Variants in PTGER3 observed in about 807,000 individuals in gnomAD.
The protein encoded by PTGER3 is prostaglandin E2 receptor EP3 subtype.
A neutral mutation model predicts 34.7 loss-of-function variants in PTGER3; 22 were observed. The observed-to-expected ratio is 0.63, with a 90% CI of 0.45 to 0.91. The LOEUF (loss-of-function observed/expected upper bound fraction) is 0.91. Ranked by LOEUF, PTGER3 falls within the 40% of genes least tolerant of loss-of-function variation. The probability of loss-of-function intolerance (pLI) is 0.00; values close to 1 mark genes in which losing one functional copy is unlikely to be tolerated. For missense variants in PTGER3, 468 were observed against 519.4 expected (o/e 0.90, Z 0.96); for synonymous variants, 241 against 230.1 (o/e 1.05, Z -0.43).
chr1:70,914,464 C>T (rs1379251450), intron 4 of PTGER3, among the ~76,000 whole-genome samples: 3 of 151,764 alleles, frequency 2.0e-5, no homozygotes, highest in Non-Finnish European at 4.4e-5. Flanking sequence ...TAATTTCAAC[C>T]ATTTAATAAT....
intron 2 of PTGER3, among the ~76,000 whole-genome samples, chr1:71,004,954 C>G (rs565695488): frequency 6.6e-6 from 1 of 152,358 alleles, no homozygotes; most frequent in South Asian, 2.1e-4. Flanking sequence ...GGCCTCACCC[C>G]TCAAACCCTT....
intron 2 of PTGER3, among the ~76,000 whole-genome samples, chr1:70,985,077 C>G (rs376229420): frequency 6.6e-6 from 1 of 151,970 alleles, no homozygotes; most frequent in African/African-American, 2.4e-5. Context: ...GGGCCTTTGC[C>G]GACAAAATCC....
At chr1:70,952,367 T>G (rs1650845872), downstream of PTGER3, 6 of 954,670 alleles carry the variant, frequency 6.3e-6, no homozygotes, top group Non-Finnish European at 7.5e-6. Context: ...CTTCCTAGTT[T>G]TGTTAATTCA....
intron 2 of PTGER3, among the ~76,000 whole-genome samples, chr1:70,964,296 G>A (rs1235176735): frequency 1.3e-5 from 2 of 152,128 alleles, no homozygotes. Context: ...TTCCAAACTT[G>A]TTTCCACATT....
At chr1:70,935,032 G>A (rs1407116472) in intron 4 of PTGER3, among the ~76,000 whole-genome samples, 1 of 152,046 alleles carries the variant, frequency 6.6e-6, no homozygotes, top group African/African-American at 2.4e-5. Flanking sequence ...AGTTACATGT[G>A]GTTTATATTC....
intron 2 of PTGER3, chr1:71,008,878 T>C (rs1329913496): frequency 1.0e-6 from 1 of 964,718 alleles, no homozygotes; most frequent in Non-Finnish European, 1.2e-6. Context: ...ATAAATACTC[T>C]GTAGTCTCCC....
chr1:71,026,161 A>G (rs187372404), intron 1 of PTGER3, among the ~76,000 whole-genome samples: 208 of 152,222 alleles, frequency 1.4e-3, no homozygotes, highest in South Asian at 0.011. Context: ...CCTTTTCCCA[A>G]CACAAAACAC....
At position 71,007,357 on chromosome 1, in the gene PTGER3, AT is replaced by A. The variant is rs138743131; in HGVS notation, c.1077+4947del. On this transcript the variant is annotated intron_variant, in intron 2 of 3. Transcript: ENST00000306666. ...GATAAGGAGAGCAAGAAGGCAAAGT[AT>A]TTTTTTCTCTTTCAAGGAAGAGTTG... The A allele has an allele frequency of 3.3e-3, 3,255 of 985,762 alleles. 80 individuals are homozygous for A. The African/African-American group carries it at 0.048, about 15-fold the overall frequency. 61.1% of individuals were successfully genotyped at this position (985,762 alleles called of 1,614,324 possible).
At chr1:70,965,447 G>T (rs893615169) in intron 2 of PTGER3, among the ~76,000 whole-genome samples, 7 of 152,126 alleles carry the variant, frequency 4.6e-5, no homozygotes, top group African/African-American at 1.4e-4. Context: ...GGGCAGAATT[G>T]AGTAATACTT....
chr1:71,036,619 T>C (rs1659850112), intron 1 of PTGER3, among the ~76,000 whole-genome samples: 1 of 152,024 alleles, frequency 6.6e-6, no homozygotes, highest in African/African-American at 2.4e-5. Flanking sequence ...GGTGGGCGGA[T>C]CACAAGGTCA....
intron 2 of PTGER3, chr1:71,009,153 A>G: frequency 5.1e-6 from 5 of 985,248 alleles, no homozygotes; most frequent in Non-Finnish European, 6.0e-6. Context: ...TTGAAAATCC[A>G]ATATTAGAAT....
intron 2 of PTGER3, among the ~76,000 whole-genome samples, chr1:70,996,237 T>A (rs1469909157): frequency 6.6e-6 from 1 of 152,076 alleles, no homozygotes; most frequent in Non-Finnish European, 1.5e-5. Flanking sequence ...GAGATGTAAC[T>A]CTTTCTAATC....
At chr1:70,982,225 T>C (rs529536664) in intron 2 of PTGER3, among the ~76,000 whole-genome samples, 1 of 152,340 alleles carries the variant, frequency 6.6e-6, no homozygotes, top group Non-Finnish European at 1.5e-5. Context: ...GAAATTATTC[T>C]ACCAGGTATA....
chr1:71,003,822 C>T (rs187137645), intron 2 of PTGER3, among the ~76,000 whole-genome samples: 21 of 152,266 alleles, frequency 1.4e-4, no homozygotes, highest in African/African-American at 4.8e-4. Flanking sequence ...TTTGCAGTTC[C>T]TTAAATCATA....
chr1:71,001,018 G>T lies in PTGER3; in HGVS notation c.1077+11287C>A, dbSNP rs563797032. On this transcript the variant is annotated intron_variant, in intron 2 of 3. Transcript: ENST00000306666. The stretch of plus-strand genomic sequence containing the variant: ...TAACAATATATTATTTAAAATTATG[G>T]TGTCATATGCTAGAAAAAACATTGA... 3.0e-4 allele frequency among the ~76,000 whole-genome samples: 45 copies of T among 152,168 alleles called. 1 individual carries two copies. In the South Asian group the frequency reaches 9.3e-3, roughly 32 times the overall value.
At chr1:70,952,669 T>C (rs945575361) in exon 4 of PTGER3, 2 of 1,129,890 alleles carry the variant, frequency 1.8e-6, no homozygotes, top group Admixed American at 4.6e-5. Flanking sequence ...TTCTGAACCA[T>C]GTGCTATTCT....
intron 4 of PTGER3, among the ~76,000 whole-genome samples, chr1:70,860,992 A>G (rs1485166471): frequency 1.3e-5 from 2 of 152,172 alleles, no homozygotes; most frequent in Non-Finnish European, 2.9e-5. Context: ...TTAAAAGGAA[A>G]GTCATAGAGT....
chr1:70,920,155 G>C (rs1647389623), intron 4 of PTGER3, among the ~76,000 whole-genome samples: 1 of 152,158 alleles, frequency 6.6e-6, no homozygotes, highest in Non-Finnish European at 1.5e-5. Context: ...AGAAGAATAT[G>C]GGTGACAAGG....
At chr1:70,943,960 A>AT (rs1301200871) in intron 4 of PTGER3, among the ~76,000 whole-genome samples, 4 of 151,964 alleles carry the variant, frequency 2.6e-5, no homozygotes, top group African/African-American at 9.7e-5. Context: ...GTTCCATGAC[A>AT]TTTTTATATC....
Sources: allele counts gnomAD v4.1 joint callset (sites outside exome capture counted in the v4.1 genomes callset), GRCh38; gene constraint gnomAD v4.1.1; transcripts MANE v1.5; gene names NCBI Gene and HGNC (gene_info 2026-07-23, HGNC 2026-07-21).